Variants in NRP1 observed in about 807,000 individuals in gnomAD.
The protein encoded by NRP1 is neuropilin-1.
A neutral mutation model predicts 106.7 loss-of-function variants in NRP1; 35 were observed. The ratio of observed to expected loss-of-function variants is 0.33; its 90% CI spans 0.25 to 0.43. NRP1 has a LOEUF of 0.43. NRP1 is among the 20% of genes least tolerant of loss of function. The probability of loss-of-function intolerance (pLI) is 1.00; values close to 1 mark genes in which losing one functional copy is unlikely to be tolerated. For missense variants in NRP1, 1,024 were observed against 1,170.4 expected (o/e 0.87, Z 1.83); for synonymous variants, 437 against 417.9 (o/e 1.05, Z -0.56).
intron 2 of NRP1, among the ~76,000 whole-genome samples, chr10:33,300,027 A>T (rs1845691616): frequency 6.6e-6 from 1 of 152,156 alleles, no homozygotes; most frequent in Non-Finnish European, 1.5e-5. Flanking sequence ...CCCATTTCCT[A>T]CCAAATCAAG....
intron 13 of NRP1, among the ~76,000 whole-genome samples, chr10:33,189,722 T>G (rs982402510): frequency 6.6e-6 from 1 of 152,180 alleles, no homozygotes; most frequent in Non-Finnish European, 1.5e-5. Context: ...CAGCAGGATA[T>G]TTTACCTAGC....
chr10:33,330,712 A>T lies in NRP1; in HGVS notation c.244T>A (p.Cys82Ser). Residue 82 changes from cysteine to serine, a missense_variant, in exon 2 of 17, where the codon TGC (cysteine) becomes AGC (serine). Cys to Ser is a moderately radical substitution (Grantham distance 112). Transcript: ENST00000374867. The part of the protein sequence containing the change: ...NPHFDLEDRD[C>S]KYDYVEVFDG... ...TTCAAAAACATTCCCACTTACTTGC[A>T]GTCTCTGTCCTCCAAATCGAAGTGA... The T allele has an allele frequency of 6.2e-7, 1 of 1,610,718 alleles. No individual in the cohort carries two copies. The highest frequency in any genetic ancestry group is 8.5e-7 in the Non-Finnish European group (1 of 1,177,658).
intron 15 of NRP1, among the ~76,000 whole-genome samples, chr10:33,184,118 T>C (rs1361008895): frequency 7.9e-5 from 12 of 152,144 alleles, no homozygotes; most frequent in Admixed American, 7.9e-4. Context: ...TTCAAGCAAT[T>C]CTCCTGCCTC....
At chr10:33,326,576 C>T (rs1240919545) in intron 2 of NRP1, among the ~76,000 whole-genome samples, 2 of 152,140 alleles carry the variant, frequency 1.3e-5, no homozygotes, top group East Asian at 3.8e-4. Flanking sequence ...TCTGTGTTAG[C>T]CCTGCAGACA....
intron 8 of NRP1, among the ~76,000 whole-genome samples, chr10:33,216,042 C>G (rs1181811417): frequency 6.6e-6 from 1 of 152,152 alleles, no homozygotes; most frequent in African/African-American, 2.4e-5. Context: ...AATGCCACAT[C>G]GTTTACTCAG....
At chr10:33,277,489 C>T (rs931239268) in intron 2 of NRP1, among the ~76,000 whole-genome samples, 3 of 152,062 alleles carry the variant, frequency 2.0e-5, no homozygotes, top group Non-Finnish European at 2.9e-5. Context: ...CCACCACCAG[C>T]GCTGCCACCA....
chr10:33,202,454 T>A, intron 11 of NRP1: 2 of 684,526 alleles, frequency 2.9e-6, no homozygotes, highest in Non-Finnish European at 4.5e-6. Flanking sequence ...AATATAAGCC[T>A]AACTTTATCC....
At chr10:33,187,618 C>A (rs779692968) in intron 13 of NRP1, among the ~76,000 whole-genome samples, 1 of 152,154 alleles carries the variant, frequency 6.6e-6, no homozygotes, top group African/African-American at 2.4e-5. Context: ...CCACTGGGAA[C>A]ATTTCCTCCT....
chr10:33,256,180 T>C (rs546400182), intron 5 of NRP1, 136 bp downstream of exon 5: 2 of 819,504 alleles, frequency 2.4e-6, no homozygotes, highest in Non-Finnish European at 3.8e-6. Flanking sequence ...TAAAAAAACA[T>C]TTAGAAGAGA....
intron 8 of NRP1, 74 bp from the exon 9 acceptor site, chr10:33,213,791 A>C: frequency 8.9e-7 from 1 of 1,117,360 alleles, no homozygotes; most frequent in Non-Finnish European, 1.3e-6. Flanking sequence ...AAAATACAAC[A>C]TATGGAATAA....
chr10:33,331,754 G>A (rs1185244723), intron 1 of NRP1, among the ~76,000 whole-genome samples: 1 of 152,140 alleles, frequency 6.6e-6, no homozygotes, highest in Non-Finnish European at 1.5e-5. Context: ...TCTCTGGGCT[G>A]CCTATATTGT....
chr10:33,195,207 A>G (rs1459479371), intron 12 of NRP1, among the ~76,000 whole-genome samples: 5 of 152,166 alleles, frequency 3.3e-5, no homozygotes, highest in Admixed American at 3.3e-4. Flanking sequence ...TCACTTGTTC[A>G]TAGACTAGTC....
chr10:33,221,188 G>A (rs1839214818), intron 8 of NRP1, among the ~76,000 whole-genome samples: 1 of 152,188 alleles, frequency 6.6e-6, no homozygotes, highest in Admixed American at 6.5e-5. Flanking sequence ...TGCAGCCTGA[G>A]TGACAGAGCA....
chr10:33,184,692 G>A (rs1010826), intron 15 of NRP1, among the ~76,000 whole-genome samples: 44,710 of 152,044 alleles, frequency 0.29, 6,996 homozygotes, highest in East Asian at 0.64. Flanking sequence ...GAAGAAGCAA[G>A]CCTTTATTCA....
chr10:33,239,417 G>A (rs7903578), intron 6 of NRP1, among the ~76,000 whole-genome samples: 13,868 of 152,140 alleles, frequency 0.091, 1,066 homozygotes, highest in African/African-American at 0.21. Context: ...TGGCATTGCC[G>A]GCAAGATCTG....
At chr10:33,232,868 G>T (rs1202995176) in intron 6 of NRP1, among the ~76,000 whole-genome samples, 1 of 151,766 alleles carries the variant, frequency 6.6e-6, no homozygotes, top group South Asian at 2.1e-4. Context: ...GGCTGGTCTT[G>T]AACTCCTGAC....
intron 9 of NRP1, chr10:33,211,789 A>C (rs1419379711): frequency 1.3e-5 from 2 of 152,248 alleles, no homozygotes; most frequent in African/African-American, 4.8e-5. Context: ...GAGTGAGGGT[A>C]ATATTCCCTT....
At chr10:33,308,099 A>G (rs1362247875) in intron 2 of NRP1, among the ~76,000 whole-genome samples, 1 of 152,184 alleles carries the variant, frequency 6.6e-6, no homozygotes, top group Non-Finnish European at 1.5e-5. Flanking sequence ...ATCATCCTAA[A>G]TGAACTAGTG....
intron 8 of NRP1, 133 bp downstream of exon 8, chr10:33,221,586 T>C: frequency 9.4e-7 from 1 of 1,061,204 alleles, no homozygotes; most frequent in Non-Finnish European, 1.4e-6. Flanking sequence ...AAATCCAAAG[T>C]AGATGCTTTT....
Sources: allele counts gnomAD v4.1 joint callset (sites outside exome capture counted in the v4.1 genomes callset), GRCh38; gene constraint gnomAD v4.1.1; transcripts MANE v1.5; gene names NCBI Gene and HGNC (gene_info 2026-07-23, HGNC 2026-07-21).